The following NCKAP5 variants were observed in gnomAD, a reference collection of about 807,000 sequenced individuals.
NCKAP5 encodes the protein nck-associated protein 5.
In NCKAP5, 92 loss-of-function variants were observed where a neutral mutation model predicts 167.0. The observed-to-expected ratio is 0.55, with a 90% CI of 0.47 to 0.66. The LOEUF (loss-of-function observed/expected upper bound fraction) is 0.66. Among genes scored for constraint, NCKAP5 ranks in the 30% least tolerant of loss-of-function variants. The pLI is 0.00. For synonymous variants in NCKAP5, 891 were observed against 877.4 expected (o/e 1.02, Z -0.27); for missense variants, 2,378 against 2,315.0 (o/e 1.03, Z -0.56).
chr2:133,189,558 C>A (rs1451302178), intron 5 of NCKAP5, among the ~76,000 whole-genome samples: 1 of 152,122 alleles, frequency 6.6e-6, no homozygotes, highest in East Asian at 1.9e-4. Context: ...AAACCAAATC[C>A]ATCAGCACAT....
In NCKAP5 at chr2:133,404,103, C is replaced by T. The variant is rs79594524; in HGVS notation, c.70-100993G>A. ...TAGTGTCTCAGCTTCCCTACCTCCT[C>T]TTAGAATATTCTGAATTGAATGAAT... On this transcript the variant is annotated intron_variant, in intron 3 of 19. Transcript: ENST00000409261. Among the ~76,000 whole-genome samples the T allele has an allele frequency of 4.6e-3, 697 of 152,330 alleles. 9 individuals are homozygous for T. Among genetic ancestry groups the T allele is most frequent in the African/African-American group, 0.016 (666 of 41,564 alleles).
intron 5 of NCKAP5, among the ~76,000 whole-genome samples, chr2:133,189,662 A>G (rs1418188652): frequency 6.6e-6 from 1 of 152,214 alleles, no homozygotes; most frequent in Non-Finnish European, 1.5e-5. Flanking sequence ...TCCAGCATAT[A>G]AACAGAACAA....
intron 3 of NCKAP5, among the ~76,000 whole-genome samples, chr2:133,452,701 G>A: frequency 6.6e-6 from 1 of 152,100 alleles, no homozygotes; most frequent in East Asian, 1.9e-4. Flanking sequence ...AATCCATTCA[G>A]AACAAGATTG....
intron 2 of NCKAP5, among the ~76,000 whole-genome samples, chr2:133,528,575 A>T (rs1234082257): frequency 6.6e-6 from 1 of 152,228 alleles, no homozygotes; most frequent in Non-Finnish European, 1.5e-5. Flanking sequence ...TCTGAAACTT[A>T]AAACAGAGAA....
chr2:132,892,501 C>T (rs577513524), intron 8 of NCKAP5, among the ~76,000 whole-genome samples: 4 of 152,188 alleles, frequency 2.6e-5, no homozygotes, highest in South Asian at 2.1e-4. Flanking sequence ...GTGGATTTTT[C>T]GGTTTTAGAA....
At chr2:132,964,697 A>G (rs917144414) in intron 7 of NCKAP5, among the ~76,000 whole-genome samples, 6 of 152,182 alleles carry the variant, frequency 3.9e-5, no homozygotes, top group African/African-American at 1.4e-4. Flanking sequence ...TCTAAACACA[A>G]TGCTGCAGAA....
intron 3 of NCKAP5, among the ~76,000 whole-genome samples, chr2:133,367,689 C>T (rs1685541021): frequency 6.6e-6 from 1 of 152,006 alleles, no homozygotes; most frequent in African/African-American, 2.4e-5. Flanking sequence ...ACACCCCTAG[C>T]AAACATGGAG....
At chr2:132,913,692 C>T (rs993213695) in intron 8 of NCKAP5, among the ~76,000 whole-genome samples, 10 of 152,040 alleles carry the variant, frequency 6.6e-5, no homozygotes, top group African/African-American at 2.4e-4. Flanking sequence ...CAAAATGCCT[C>T]TTGCAAATTA....
At chr2:133,670,509 C>A in the NCKAP5 span, among the ~76,000 whole-genome samples, 1 of 152,170 alleles carries the variant, frequency 6.6e-6, no homozygotes, top group Admixed American at 6.5e-5. Flanking sequence ...CCACAGACTT[C>A]GAGAAAACAT....
intron 3 of NCKAP5, among the ~76,000 whole-genome samples, chr2:133,377,911 C>G (rs935979055): frequency 2.0e-5 from 3 of 152,150 alleles, no homozygotes; most frequent in South Asian, 4.1e-4. Context: ...ACACAGGGAG[C>G]AGTCTAATTG....
At chr2:133,452,401 C>A (rs1691605331) in intron 3 of NCKAP5, among the ~76,000 whole-genome samples, 1 of 152,058 alleles carries the variant, frequency 6.6e-6, no homozygotes. Flanking sequence ...GGAATATGTG[C>A]CCAAGAAGGA....
intron 11 of NCKAP5, among the ~76,000 whole-genome samples, chr2:132,841,654 T>C (rs1688305017): frequency 6.6e-6 from 1 of 152,130 alleles, no homozygotes; most frequent in South Asian, 2.1e-4. Context: ...TCTGTTGTTA[T>C]ATATACTCTA....
intron 4 of NCKAP5, among the ~76,000 whole-genome samples, chr2:133,290,431 A>G (rs1679495099): frequency 6.6e-6 from 1 of 152,244 alleles, no homozygotes; most frequent in Non-Finnish European, 1.5e-5. Context: ...TGAGATACAA[A>G]TATACATTTG....
chr2:133,163,257 C>T (rs548488317), intron 5 of NCKAP5, among the ~76,000 whole-genome samples: 1 of 152,344 alleles, frequency 6.6e-6, no homozygotes, highest in African/African-American at 2.4e-5. Context: ...CCCATACACA[C>T]TGGTGTTCTC....
At chr2:132,685,499 C>A (rs1685812276) in intron 19 of NCKAP5, among the ~76,000 whole-genome samples, 1 of 152,120 alleles carries the variant, frequency 6.6e-6, no homozygotes, top group African/African-American at 2.4e-5. Context: ...TCTCTGGTGG[C>A]AGACAGGGTA....
At chr2:133,396,709 A>G (rs1356348959) in intron 3 of NCKAP5, among the ~76,000 whole-genome samples, 1 of 152,138 alleles carries the variant, frequency 6.6e-6, no homozygotes, top group East Asian at 1.9e-4. Context: ...TTACCTCTAT[A>G]AAGACCCTAT....
At chr2:133,638,874 G>A in the NCKAP5 span, among the ~76,000 whole-genome samples, 55 of 133,722 alleles carry the variant, frequency 4.1e-4, no homozygotes, top group Non-Finnish European at 6.0e-4. Flanking sequence ...AAAAAAAAAA[G>A]ACTTATCTTT....
At chr2:133,032,061 A>C (rs2078898080) in intron 6 of NCKAP5, among the ~76,000 whole-genome samples, 1 of 152,140 alleles carries the variant, frequency 6.6e-6, no homozygotes, top group Non-Finnish European at 1.5e-5. Flanking sequence ...GCAAAGGGGC[A>C]AAACTCCTTC....
At chr2:133,012,558 C>G (rs1002500977) in intron 6 of NCKAP5, among the ~76,000 whole-genome samples, 2 of 152,048 alleles carry the variant, frequency 1.3e-5, no homozygotes, top group African/African-American at 4.8e-5. Flanking sequence ...CATCAATGGG[C>G]CTGAAGTCCT....
Sources: allele counts gnomAD v4.1 joint callset (sites outside exome capture counted in the v4.1 genomes callset), GRCh38; gene constraint gnomAD v4.1.1; transcripts MANE v1.5; gene names NCBI Gene and HGNC (gene_info 2026-07-23, HGNC 2026-07-21).